The following AATF variants were observed in gnomAD, a reference collection of about 807,000 sequenced individuals.
AATF encodes the protein apoptosis antagonizing transcription factor.
Under a neutral mutation model 63.7 loss-of-function variants are expected in AATF, and 48 were observed. That is an observed-to-expected ratio of 0.75 (90% CI 0.60 to 0.96). The LOEUF (loss-of-function observed/expected upper bound fraction) is 0.96, where lower values mean the gene tolerates loss of function less well. Ranked by LOEUF, AATF falls within the 40% of genes least tolerant of loss-of-function variation. The probability of loss-of-function intolerance (pLI) is 0.00; values close to 1 mark genes in which losing one functional copy is unlikely to be tolerated. For synonymous variants in AATF, 258 were observed against 247.7 expected (o/e 1.04, Z -0.39); for missense variants, 639 against 685.7 (o/e 0.93, Z 0.76).
chr17:37,039,079 C>T (rs1023692396), intron 11 of AATF, among the ~76,000 whole-genome samples: 1 of 152,110 alleles, frequency 6.6e-6, no homozygotes, highest in Non-Finnish European at 1.5e-5. Context: ...AGTTGGTAAC[C>T]CAGAAGATAG....
At chr17:36,999,052 G>A (rs1034374933) in intron 8 of AATF, 7 of 152,112 alleles carry the variant, frequency 4.6e-5, no homozygotes, top group Non-Finnish European at 1.0e-4. Flanking sequence ...GGCCTTACGA[G>A]GCACTATTTG....
chr17:36,954,055 T>G (rs2070879464), intron 4 of AATF, 148 bp downstream of exon 4: 1 of 745,574 alleles, frequency 1.3e-6, no homozygotes, highest in African/African-American at 1.8e-5. Context: ...CCCCTTGGCT[T>G]TCCAAGTTGC....
At chr17:37,049,584 G>A (rs2071728351) in intron 11 of AATF, among the ~76,000 whole-genome samples, 1 of 146,862 alleles carries the variant, frequency 6.8e-6, no homozygotes, top group Non-Finnish European at 1.5e-5. Flanking sequence ...CAGCCTGGGT[G>A]ACAGAGCGAG....
intron 11 of AATF, among the ~76,000 whole-genome samples, 169 bp downstream of exon 11, chr17:37,031,854 A>G (rs1175640579): frequency 6.6e-6 from 1 of 152,202 alleles, no homozygotes; most frequent in Non-Finnish European, 1.5e-5. Flanking sequence ...AAACCAAACC[A>G]AAAACTTGCA....
At chr17:37,036,089 T>C (rs1052153800) in intron 11 of AATF, among the ~76,000 whole-genome samples, 12 of 152,190 alleles carry the variant, frequency 7.9e-5, no homozygotes, top group African/African-American at 2.9e-4. Flanking sequence ...CACACTCCAC[T>C]AATTTTAATT....
chr17:36,961,955 G>A (rs1317034252), intron 4 of AATF, among the ~76,000 whole-genome samples: 3 of 152,130 alleles, frequency 2.0e-5, no homozygotes, highest in East Asian at 1.9e-4. Flanking sequence ...GATTACAGGC[G>A]TGAGCCACGG....
chr17:36,991,796 A>T (rs2071217581), intron 8 of AATF, among the ~76,000 whole-genome samples: 1 of 152,036 alleles, frequency 6.6e-6, no homozygotes, highest in Non-Finnish European at 1.5e-5. Context: ...CGTGTTAGCC[A>T]GGAGGGTCTC....
At chr17:37,015,868 C>G (rs1426811563) in intron 8 of AATF, among the ~76,000 whole-genome samples, 1 of 152,130 alleles carries the variant, frequency 6.6e-6, no homozygotes, top group Non-Finnish European at 1.5e-5. Flanking sequence ...CCTTCTTTGC[C>G]TGGTATCCTC....
chr17:37,054,587 G>A (rs760732811), intron 11 of AATF: 20 of 152,162 alleles, frequency 1.3e-4, no homozygotes, highest in Non-Finnish European at 2.5e-4. Context: ...GATGTTCTAT[G>A]AAAACATGGG....
At chr17:37,019,492 C>T (rs2071453349) in intron 9 of AATF, among the ~76,000 whole-genome samples, 1 of 152,206 alleles carries the variant, frequency 6.6e-6, no homozygotes, top group Admixed American at 6.5e-5. Flanking sequence ...TTTAGACCTC[C>T]ACCTCTTCAG....
chr17:37,000,951 C>G (rs1446061461), intron 8 of AATF, among the ~76,000 whole-genome samples: 3 of 151,766 alleles, frequency 2.0e-5, no homozygotes, highest in Non-Finnish European at 4.4e-5. Context: ...AACTCTGTCT[C>G]TTACCCACCT....
chr17:37,020,574 G>A (rs1337009621), intron 9 of AATF, among the ~76,000 whole-genome samples: 4 of 152,168 alleles, frequency 2.6e-5, no homozygotes, highest in Non-Finnish European at 5.9e-5. Flanking sequence ...ACCAGCAGTT[G>A]CAACATTAGT....
chr17:37,023,710 T>C (rs1252495977), intron 10 of AATF, among the ~76,000 whole-genome samples: 2 of 151,798 alleles, frequency 1.3e-5, no homozygotes, highest in Admixed American at 6.6e-5. Context: ...ACATAGTAAG[T>C]GGTTTTAGTG....
intron 4 of AATF, among the ~76,000 whole-genome samples, chr17:36,984,824 G>C (rs1330762688): frequency 6.6e-6 from 1 of 151,760 alleles, no homozygotes; most frequent in African/African-American, 2.4e-5. Flanking sequence ...ATTTTGTAGA[G>C]CTGGGGTCTT....
chr17:36,997,510 G>A (rs1014028438), intron 8 of AATF, among the ~76,000 whole-genome samples: 5 of 152,148 alleles, frequency 3.3e-5, no homozygotes, highest in East Asian at 1.9e-4. Flanking sequence ...AATGCAAATC[G>A]AAAGCACAAT....
chr17:37,026,206 C>G (rs1023718998), intron 10 of AATF, among the ~76,000 whole-genome samples: 1 of 152,232 alleles, frequency 6.6e-6, no homozygotes, highest in Admixed American at 6.5e-5. Context: ...GGAACTGTCA[C>G]AGATTGCAGG....
intron 4 of AATF, among the ~76,000 whole-genome samples, chr17:36,970,534 C>CT (rs796201918): frequency 8.0e-6 from 1 of 125,690 alleles, no homozygotes; most frequent in East Asian, 2.0e-4. Flanking sequence ...TTCTTTCTTT[C>CT]TTTTTTCTTT....
chr17:37,015,708 A>T (rs2142282918), intron 8 of AATF, among the ~76,000 whole-genome samples: 1 of 152,328 alleles, frequency 6.6e-6, no homozygotes, highest in Admixed American at 6.5e-5. Context: ...GTGGGAGGGC[A>T]GACACCATTC....
chr17:36,994,139 TTAAGTAACCG>T (rs2071236716), intron 8 of AATF, among the ~76,000 whole-genome samples: 1 of 152,152 alleles, frequency 6.6e-6, no homozygotes, highest in Non-Finnish European at 1.5e-5. Flanking sequence ...CCCTGAGAAG[TTAAGTAACCG>T]TCTGACATCA....
Sources: allele counts gnomAD v4.1 joint callset (sites outside exome capture counted in the v4.1 genomes callset), GRCh38; gene constraint gnomAD v4.1.1; transcripts MANE v1.5; gene names NCBI Gene and HGNC (gene_info 2026-07-23, HGNC 2026-07-21).